Variants in OCM2 observed in about 807,000 individuals in gnomAD.
OCM2 encodes oncomodulin-2.
In OCM2, 6 loss-of-function variants were observed where a neutral mutation model predicts 13.6. The ratio of observed to expected loss-of-function variants is 0.44; its 90% CI spans 0.24 to 0.87. OCM2 has a LOEUF of 0.87. Among genes scored for constraint, OCM2 ranks in the 40% least tolerant of loss-of-function variants. The pLI is 0.22. For missense variants in OCM2, 118 were observed against 136.8 expected (o/e 0.86, Z 0.68); for synonymous variants, 40 against 50.7 (o/e 0.79, Z 0.90).
At position 97,989,815 on chromosome 7, in the gene OCM2, G is replaced by A. The variant is rs767626284; in HGVS notation, c.61+229C>T. 1.0e-4 allele frequency among the ~76,000 whole-genome samples: 15 copies of A among 150,504 alleles called. No homozygotes were observed. In the South Asian group the frequency reaches 1.9e-3, roughly 19 times the overall value. The stretch of plus-strand genomic sequence containing the variant: ...TGGGATTACAGGTGCCCACCACCAC[G>A]CCTGGCTAATTTTTTTGTATTTTTA... On this transcript the variant is annotated intron_variant, in intron 1 of 3. Coordinates refer to ENST00000257627, the Ensembl canonical transcript of OCM2.
chr7:97,989,546 C>T lies in OCM2; in HGVS notation c.61+498G>A, dbSNP rs575722010. ...TCCAGAGTAGCTGGGACCACAGGCA[C>T]ATGCCACCATGCCCCGCTAGTTTTT... On this transcript the variant is annotated intron_variant, in intron 1 of 3. Coordinates refer to ENST00000257627, the Ensembl canonical transcript of OCM2. Among the ~76,000 whole-genome samples the T allele has an allele frequency of 8.0e-3, 1,222 of 151,936 alleles. 12 individuals carry two copies. Among genetic ancestry groups the T allele is most frequent in the Non-Finnish European group, 0.015 (989 of 67,958 alleles).
chr7:97,987,188 C>T (rs1562865579), intron 2 of OCM2, 32 bp from the exon 3 acceptor site: 1 of 1,612,812 alleles, frequency 6.2e-7, no homozygotes, highest in South Asian at 1.1e-5. Context: ...TGGGGATTTT[C>T]AAAAAGGTCG....
At chr7:97,989,418 G>T (rs200957169) in intron 1 of OCM2, among the ~76,000 whole-genome samples, 10 of 72,830 alleles carry the variant, frequency 1.4e-4, no homozygotes, top group South Asian at 5.3e-4. Flanking sequence ...TATTTATTTA[G>T]AGACAGAGTC....
intron 1 of OCM2, among the ~76,000 whole-genome samples, chr7:97,989,218 C>A (rs546466097): frequency 4.9e-4 from 75 of 151,770 alleles, no homozygotes; most frequent in African/African-American, 1.8e-3. Context: ...GGTGTGAGCA[C>A]CACACCTGGC....
intron 2 of OCM2, among the ~76,000 whole-genome samples, chr7:97,987,618 G>T (rs1347204811): frequency 6.6e-6 from 1 of 151,950 alleles, no homozygotes. Flanking sequence ...CCTCCCAAAG[G>T]GCTGGGATTG....
In OCM2 at chr7:97,990,031, A is replaced by AC; in HGVS notation, c.61+12dup. The AC allele has an allele frequency of 2.0e-6, 1 of 496,564 alleles. No homozygotes were observed. The highest frequency in any genetic ancestry group is 3.2e-6 in the Non-Finnish European group (1 of 309,104). 30.8% of individuals were successfully genotyped at this position (496,564 alleles called of 1,614,324 possible). ...TGTGAGGAAATCCCACCCCCGCCCC[A>AC]CGTCCCCTCTACCTTGGCATTCCTG... On this transcript the variant is annotated intron_variant, in intron 1 of 3. Transcript: ENST00000257627.
intron 1 of OCM2, 128 bp downstream of exon 1, chr7:97,989,916 C>T (rs944090873): frequency 4.3e-5 from 37 of 866,746 alleles, no homozygotes; most frequent in Non-Finnish European, 5.1e-5. Flanking sequence ...CCTCAGCCTC[C>T]CAAAGTGCTA....
Position 97,990,030 on chromosome 7 carries a change from C to CCCCACCCCACAAACAA in OCM2, c.61+13_61+14insTTGTTTGTGGGGTGGG. 5 of 1,571,170 alleles carry CCCCACCCCACAAACAA rather than the reference C, an allele frequency of 3.2e-6. No homozygotes were observed. Among genetic ancestry groups the CCCCACCCCACAAACAA allele is most frequent in the Non-Finnish European group, 4.4e-6 (5 of 1,141,476 alleles). On this transcript the variant is annotated intron_variant, in intron 1 of 3. Coordinates refer to ENST00000257627, the Ensembl canonical transcript of OCM2. Reference sequence around the variant, plus strand: ...CTGTGAGGAAATCCCACCCCCGCCCCACGTCCCCTCTACCTTGGCATTCCT... The same window carrying CCCCACCCCACAAACAA: ...CTGTGAGGAAATCCCACCCCCGCCCCCCCACCCCACAAACAAACGTCCCCTCTACCTTGGCATTCCT...
chr7:97,985,585 A>G (rs1794663206), intron 3 of OCM2, among the ~76,000 whole-genome samples: 1 of 152,308 alleles, frequency 6.6e-6, no homozygotes, highest in East Asian at 1.9e-4. Flanking sequence ...TGTCAAGCCC[A>G]TCATTTCTCC....
chr7:97,988,245 G>T (rs1421823114), intron 2 of OCM2, among the ~76,000 whole-genome samples, 171 bp downstream of exon 2: 2 of 151,936 alleles, frequency 1.3e-5, no homozygotes, highest in African/African-American at 4.8e-5. Flanking sequence ...TGAGGGCTTT[G>T]CATGGGTAGA....
chr7:97,990,025 C>T lies in OCM2; in HGVS notation c.61+19G>A, dbSNP rs370136361. 37 of 1,523,064 alleles carry T rather than the reference C, an allele frequency of 2.4e-5. No individual in the cohort carries two copies. The Middle Eastern group carries it at 6.8e-4, about 28-fold the overall frequency. The allele number at this position is 1,523,064 out of a possible 1,614,324, so 94.3% of individuals were successfully genotyped here. On this transcript the variant is annotated intron_variant, in intron 1 of 3. Coordinates refer to ENST00000257627, the Ensembl canonical transcript of OCM2. ...CAAAGCTGTGAGGAAATCCCACCCC[C>T]GCCCCACGTCCCCTCTACCTTGGCA...
At chr7:97,986,817 A>G (rs770861145) in intron 3 of OCM2, among the ~76,000 whole-genome samples, 1 of 152,190 alleles carries the variant, frequency 6.6e-6, no homozygotes. Flanking sequence ...CAGCTCATAG[A>G]CAATGACCAG....
intron 2 of OCM2, 62 bp downstream of exon 2, chr7:97,988,354 C>G (rs779437692): frequency 4.9e-5 from 79 of 1,603,346 alleles, no homozygotes; most frequent in Non-Finnish European, 4.3e-5. Flanking sequence ...AACCTGGCCC[C>G]CACTGCACCC....
At chr7:97,984,855 A>T in exon 4 of OCM2, 1 of 1,300,054 alleles carries the variant, frequency 7.7e-7, no homozygotes, top group South Asian at 1.3e-5. Flanking sequence ...AGGGAAAATT[A>T]ACAAATTAGG....
At chr7:97,990,020 A>ACCC in intron 1 of OCM2, 24 bp downstream of exon 1, 95 of 644,566 alleles carry the variant, frequency 1.5e-4, no homozygotes, top group Non-Finnish European at 2.4e-4. Context: ...AGGAAATCCC[A>ACCC]CCCCCGCCCC....
intron 1 of OCM2, 28 bp downstream of exon 1, chr7:97,990,016 T>TGCCGCCCC: frequency 2.2e-5 from 24 of 1,083,832 alleles, no homozygotes; most frequent in Non-Finnish European, 3.2e-5. Context: ...TGTGAGGAAA[T>TGCCGCCCC]CCCACCCCCG....
chr7:97,988,074 C>T (rs1035082191), intron 2 of OCM2, among the ~76,000 whole-genome samples: 1 of 151,956 alleles, frequency 6.6e-6, no homozygotes, highest in Admixed American at 6.6e-5. Flanking sequence ...ACCTGTAATC[C>T]CAGCCACTTG....
Position 97,988,188 on chromosome 7 carries a change from C to CAA in OCM2, c.194+226_194+227dup, listed in dbSNP as rs66591146. ...CCTGGGTGACAGTGAGGCCCTGTCTCAAAAAAAAAAAAGAATCTTTGCACC... is the reference window on the plus strand; with the variant it reads ...CCTGGGTGACAGTGAGGCCCTGTCTCAAAAAAAAAAAAAAGAATCTTTGCACC... On this transcript the variant is annotated intron_variant, in intron 2 of 3. Coordinates refer to ENST00000257627, the Ensembl canonical transcript of OCM2. Among the ~76,000 whole-genome samples the CAA allele has an allele frequency of 9.9e-4, 145 of 147,180 alleles. 2 individuals are homozygous for CAA. The highest frequency in any genetic ancestry group is 8.4e-3 in the South Asian group (39 of 4,670).
intron 1 of OCM2, among the ~76,000 whole-genome samples, chr7:97,988,919 C>T (rs1438208378): frequency 1.4e-5 from 2 of 143,124 alleles, no homozygotes; most frequent in South Asian, 4.5e-4. Flanking sequence ...TGGCCTTTGG[C>T]GATTTCTTTC....
Sources: gnomAD v4.1 joint callset for allele counts (sites outside exome capture counted in the v4.1 genomes callset) on GRCh38, gnomAD v4.1.1 for gene constraint, MANE v1.5 for transcripts, NCBI Gene and HGNC (gene_info 2026-07-23, HGNC 2026-07-21) for gene names.